EIF2AK4: variants seen among roughly 807,000 people sequenced by gnomAD.
EIF2AK4 encodes the protein eIF-2-alpha kinase GCN2.
EIF2AK4 carries 139 observed loss-of-function variants against 211.1 expected under a neutral mutation model. That is an observed-to-expected ratio of 0.66 (90% CI 0.57 to 0.76). The LOEUF (loss-of-function observed/expected upper bound fraction) is 0.76. EIF2AK4 is among the 30% of genes least tolerant of loss of function. The probability of loss-of-function intolerance (pLI) is 0.00; values close to 1 mark genes in which losing one functional copy is unlikely to be tolerated. For synonymous variants in EIF2AK4, 710 were observed against 751.3 expected (o/e 0.94, Z 0.90); for missense variants, 1,664 against 2,043.8 (o/e 0.81, Z 3.58).
intron 15 of EIF2AK4, 75 bp downstream of exon 15, chr15:39,988,180 A>C: frequency 6.5e-7 from 1 of 1,542,284 alleles, no homozygotes; most frequent in Non-Finnish European, 8.9e-7. Context: ...TATCAAATGT[A>C]AGATTGGAGA....
At chr15:39,993,295 T>C (rs2034976374) in intron 18 of EIF2AK4, among the ~76,000 whole-genome samples, 1 of 152,212 alleles carries the variant, frequency 6.6e-6, no homozygotes, top group South Asian at 2.1e-4. Flanking sequence ...CAGGAACAGA[T>C]GTGGCTCCAG....
intron 19 of EIF2AK4, 121 bp downstream of exon 19, chr15:39,997,186 A>C (rs2035029698): frequency 1.4e-6 from 1 of 713,836 alleles, no homozygotes; most frequent in African/African-American, 1.8e-5. Flanking sequence ...CCCTACTGTA[A>C]TTTTAATGAC....
intron 34 of EIF2AK4, among the ~76,000 whole-genome samples, chr15:40,029,731 G>A (rs80089550): frequency 1.6e-3 from 250 of 152,282 alleles, no homozygotes; most frequent in African/African-American, 5.8e-3. Context: ...TATTGTACAA[G>A]TGAAATGTGT....
intron 36 of EIF2AK4, 118 bp downstream of exon 36, chr15:40,032,355 G>A: frequency 1.2e-6 from 1 of 819,634 alleles, no homozygotes; most frequent in Non-Finnish European, 2.0e-6. Context: ...AGGCCTTATT[G>A]TGATGTGAAC....
chr15:39,946,697 G>A (rs1232662270), intron 3 of EIF2AK4: 1 of 699,398 alleles, frequency 1.4e-6, no homozygotes, highest in Non-Finnish European at 2.6e-6. Context: ...GAAAGGAAGA[G>A]TCAATCGATG....
At position 39,961,655 on chromosome 15, in the gene EIF2AK4, A is replaced by T. The variant is rs1052282410; in HGVS notation, c.744-129A>T. 8 of 677,416 alleles carry T rather than the reference A, an allele frequency of 1.2e-5. No homozygotes were observed. In the African/African-American group the frequency reaches 1.3e-4, roughly 11 times the overall value. The allele number at this position is 677,416 out of a possible 1,614,324, so 42.0% of individuals were successfully genotyped here. On this transcript the variant is annotated intron_variant, in intron 6 of 38. Transcript: ENST00000263791. ...GATGTTAGACTGCGAGTGGGCTAATAAACAGTAATAAACGGGAGAAAATGG... is the reference window on the plus strand; with the variant it reads ...GATGTTAGACTGCGAGTGGGCTAATTAACAGTAATAAACGGGAGAAAATGG...
chr15:39,945,440 G>A (rs1020540833), intron 3 of EIF2AK4, among the ~76,000 whole-genome samples: 9 of 152,188 alleles, frequency 5.9e-5, no homozygotes, highest in African/African-American at 2.2e-4. Context: ...CTTCAATTCT[G>A]TGAATGCTGA....
intron 32 of EIF2AK4, among the ~76,000 whole-genome samples, chr15:40,025,564 C>G (rs2035455461): frequency 6.6e-6 from 1 of 152,020 alleles, no homozygotes; most frequent in Admixed American, 6.5e-5. Context: ...AAGCTGAGAT[C>G]TGAGAAACCT....
At chr15:40,007,963 A>C (rs1028296724) in intron 24 of EIF2AK4, 64 bp from the exon 25 acceptor site, 150 of 1,259,206 alleles carry the variant, frequency 1.2e-4, no homozygotes, top group Non-Finnish European at 1.5e-4. Flanking sequence ...CTTGTTCAAC[A>C]ATTTCTTATA....
chr15:40,017,253 G>T lies in EIF2AK4; in HGVS notation c.4065+11G>T. 6.3e-7 allele frequency: 1 copy of T among 1,595,242 alleles called. No individual in the cohort carries two copies. The highest frequency in any genetic ancestry group is 8.6e-7 in the Non-Finnish European group (1 of 1,165,516). On this transcript the variant is annotated intron_variant, in intron 29 of 38. Coordinates refer to ENST00000263791, the MANE Select transcript of EIF2AK4 (RefSeq NM_001013703.4). ...AGATATGACCTGCTGGTGAGGGCTTGCCCTTTATTTATTTGCTCTGACTTA... is the reference window on the plus strand; with the variant it reads ...AGATATGACCTGCTGGTGAGGGCTTTCCCTTTATTTATTTGCTCTGACTTA...
At chr15:39,995,339 T>G (rs1455185348) in intron 18 of EIF2AK4, among the ~76,000 whole-genome samples, 1 of 152,048 alleles carries the variant, frequency 6.6e-6, no homozygotes, top group Non-Finnish European at 1.5e-5. Context: ...AATCCAAGAG[T>G]CTCGCCGCCC....
At position 40,035,173 on chromosome 15, in the gene EIF2AK4, TA is replaced by T; in HGVS notation, c.*92del. ...TTGTACATTCATCATAATTTAAAAT[TA>T]AATTCTAAGAAGAGGCTGGGTGCAG... On this transcript the variant is annotated 3_prime_UTR_variant, in exon 39 of 39. Transcript: ENST00000263791. The T allele has an allele frequency of 8.9e-7, 1 of 1,124,234 alleles. No homozygotes were observed. The highest frequency in any genetic ancestry group is 1.2e-6 in the Non-Finnish European group (1 of 820,744). The allele number at this position is 1,124,234 out of a possible 1,614,324, so 69.6% of individuals were successfully genotyped here.
intron 13 of EIF2AK4, 23 bp downstream of exon 13, chr15:39,978,170 T>G: frequency 1.0e-5 from 13 of 1,292,072 alleles, no homozygotes; most frequent in African/African-American, 1.5e-5. Flanking sequence ...ATAGAAATTA[T>G]ATCATTTTAT....
At chr15:39,951,269 C>A (rs2034307696) in intron 4 of EIF2AK4, 1 of 160,570 alleles carries the variant, frequency 6.2e-6, no homozygotes, top group Non-Finnish European at 1.4e-5. Flanking sequence ...CAGCTCACTG[C>A]AACCTCTGCC....
intron 1 of EIF2AK4, among the ~76,000 whole-genome samples, chr15:39,937,240 G>A (rs189255837): frequency 6.6e-6 from 1 of 152,184 alleles, no homozygotes; most frequent in Non-Finnish European, 1.5e-5. Context: ...AGTAGTGTAT[G>A]GTGGTGTTTG....
chr15:39,986,203 A>G (rs1402546389), intron 14 of EIF2AK4, among the ~76,000 whole-genome samples: 1 of 147,940 alleles, frequency 6.8e-6, no homozygotes, highest in Non-Finnish European at 1.5e-5. Flanking sequence ...TTCCCCATCT[A>G]TAAATTACAT....
chr15:40,013,795 T>C (rs764016009), intron 27 of EIF2AK4, among the ~76,000 whole-genome samples: 1 of 152,192 alleles, frequency 6.6e-6, no homozygotes, highest in Non-Finnish European at 1.5e-5. Flanking sequence ...ATTCTACCCA[T>C]GGCCCCTCCC....
intron 13 of EIF2AK4, among the ~76,000 whole-genome samples, chr15:39,979,545 G>A (rs2034750934): frequency 6.6e-6 from 1 of 152,342 alleles, no homozygotes; most frequent in African/African-American, 2.4e-5. Flanking sequence ...AGCTTGTCAA[G>A]TGCTTGCTAG....
chr15:39,996,057 T>G (rs1257149075), intron 18 of EIF2AK4, among the ~76,000 whole-genome samples: 3 of 152,196 alleles, frequency 2.0e-5, no homozygotes, highest in African/African-American at 7.2e-5. Flanking sequence ...TGTTCTCTGT[T>G]ACTGTGGGTT....
Sources: allele counts gnomAD v4.1 joint callset (sites outside exome capture counted in the v4.1 genomes callset), GRCh38; gene constraint gnomAD v4.1.1; transcripts MANE v1.5; gene names NCBI Gene and HGNC (gene_info 2026-07-23, HGNC 2026-07-21).